EYS: variants seen among roughly 807,000 people sequenced by gnomAD.
The protein encoded by EYS is protein eyes shut homolog.
A neutral mutation model predicts 282.1 loss-of-function variants in EYS; 250 were observed. The observed-to-expected ratio is 0.89, with a 90% CI of 0.80 to 0.98. The LOEUF (loss-of-function observed/expected upper bound fraction) is 0.98. Ranked by LOEUF, EYS falls within the 50% of genes least tolerant of loss-of-function variation. EYS has a pLI of 0.00. For synonymous variants in EYS, 1,355 were observed against 1,282.9 expected (o/e 1.06, Z -1.20); for missense variants, 4,016 against 3,709.0 (o/e 1.08, Z -2.15).
chr6:64,071,637 CATTAGGTATATCTCCTA>C lies in EYS; in HGVS notation c.6572-5163_6572-5147del, dbSNP rs543086153. 5.4e-3 allele frequency among the ~76,000 whole-genome samples: 794 copies of C among 146,852 alleles called. 8 individuals carry two copies. Among genetic ancestry groups the C allele is most frequent in the African/African-American group, 0.018 (732 of 39,910 alleles). ...GTATATAAAAACACATGTCATTTAG[CATTAGGTATATCTCCTA>C]ATTAGGTATATCTCCTAATTAGGGA... On this transcript the variant is annotated intron_variant, in intron 32 of 42. Transcript: ENST00000503581.
chr6:64,325,996 A>G (rs980757305), intron 29 of EYS, among the ~76,000 whole-genome samples: 37 of 152,314 alleles, frequency 2.4e-4, no homozygotes, highest in African/African-American at 8.4e-4. Flanking sequence ...GGGAATAATT[A>G]AGGAAAACTT....
chr6:65,079,713 AC>A (rs372426582), intron 12 of EYS, among the ~76,000 whole-genome samples: 108 of 152,132 alleles, frequency 7.1e-4, no homozygotes, highest in African/African-American at 2.4e-3. Flanking sequence ...ATCTGCATTG[AC>A]TTTACATGTA....
chr6:65,377,510 G>T (rs1360762833), intron 8 of EYS, among the ~76,000 whole-genome samples: 1 of 151,826 alleles, frequency 6.6e-6, no homozygotes, highest in African/African-American at 2.4e-5. Context: ...CAGAAGACAA[G>T]AAATAAGTAA....
intron 35 of EYS, among the ~76,000 whole-genome samples, chr6:63,943,696 C>CT (rs1256439263): frequency 3.9e-5 from 6 of 152,126 alleles, no homozygotes; most frequent in Non-Finnish European, 8.8e-5. Context: ...TGGTAGAGTG[C>CT]TTTTCCCTGC....
intron 2 of EYS, among the ~76,000 whole-genome samples, chr6:65,560,772 A>T (rs1051611373): frequency 6.6e-6 from 1 of 152,134 alleles, no homozygotes; most frequent in Non-Finnish European, 1.5e-5. Context: ...TACATTAAAG[A>T]GTATAAAGTG....
chr6:64,495,311 T>C (rs1263989657), intron 26 of EYS, among the ~76,000 whole-genome samples: 3 of 151,794 alleles, frequency 2.0e-5, no homozygotes, highest in East Asian at 1.9e-4. Flanking sequence ...TCTTGTTATA[T>C]ACGCTTTTTA....
At position 65,198,099 on chromosome 6, in the gene EYS, T is replaced by C. The variant is rs138028294; in HGVS notation, c.2023+97764A>G. Among the ~76,000 whole-genome samples the C allele has an allele frequency of 9.3e-3, 1,409 of 152,250 alleles. 29 individuals are homozygous for C. The highest frequency in any genetic ancestry group is 0.032 in the African/African-American group (1,326 of 41,552). ...ATTTATATAGGCTTTTTTCTATTTG[T>C]AGTAATTATAACTTTTTAGTACGTT... On this transcript the variant is annotated intron_variant, in intron 12 of 42. Coordinates refer to ENST00000503581, the MANE Select transcript of EYS (RefSeq NM_001142800.2).
intron 12 of EYS, among the ~76,000 whole-genome samples, chr6:65,169,719 T>C (rs1286734873): frequency 6.6e-6 from 1 of 151,432 alleles, no homozygotes; most frequent in Non-Finnish European, 1.5e-5. Flanking sequence ...AACTACAGTA[T>C]CCAAACTTAT....
intron 19 of EYS, among the ~76,000 whole-genome samples, chr6:64,861,450 C>T (rs930412794): frequency 1.3e-5 from 2 of 152,084 alleles, no homozygotes; most frequent in African/African-American, 2.4e-5. Flanking sequence ...CAGAGATGCC[C>T]GGGTCCACAG....
intron 12 of EYS, among the ~76,000 whole-genome samples, chr6:65,209,423 T>G (rs953367522): frequency 6.6e-6 from 1 of 151,872 alleles, no homozygotes; most frequent in African/African-American, 2.4e-5. Context: ...AATACCATTT[T>G]TATCCCCCAC....
chr6:64,482,881 A>C (rs138475346), intron 26 of EYS, among the ~76,000 whole-genome samples: 229 of 151,708 alleles, frequency 1.5e-3, no homozygotes, highest in African/African-American at 5.1e-3. Flanking sequence ...TACTTCCTCA[A>C]ATAAAGTATT....
rs1561994376 is a variant in EYS at position 63,721,728 on chromosome 6, A to G, written c.8303T>C (p.Ile2768Thr). ...TACTTTTTGGAGAGTTTCTAGAATG[A>G]TAGTTCTGTCGCCAAGGTTGTAGCG... ...QLRYNLGDRT[I>T]ILETLQKVTI... Residue 2768 changes from isoleucine (I) to threonine (T), a missense_variant, in exon 43 of 43, where the codon ATC becomes ACC. Physicochemically the swap from Ile to Thr is moderately conservative, Grantham distance 89. Transcript: ENST00000503581. 6.4e-7 allele frequency: 1 copy of G among 1,551,094 alleles called. No individual in the cohort carries two copies. The highest frequency in any genetic ancestry group is 2.0e-5 in the Admixed American group (1 of 50,976).
At chr6:64,627,354 C>T (rs1376917006) in intron 22 of EYS, among the ~76,000 whole-genome samples, 1 of 152,004 alleles carries the variant, frequency 6.6e-6, no homozygotes, top group African/African-American at 2.4e-5. Context: ...GTGAGTTAAT[C>T]CAGAAATTGC....
At chr6:65,363,084 T>A (rs1367835727) in intron 8 of EYS, among the ~76,000 whole-genome samples, 1 of 152,032 alleles carries the variant, frequency 6.6e-6, no homozygotes, top group Non-Finnish European at 1.5e-5. Context: ...GTCTCTCACA[T>A]ACTACATAGA....
At chr6:65,086,839 T>G (rs1265258258) in intron 12 of EYS, among the ~76,000 whole-genome samples, 1 of 152,084 alleles carries the variant, frequency 6.6e-6, no homozygotes, top group Non-Finnish European at 1.5e-5. Flanking sequence ...TGGGTTTTTT[T>G]TTTTTAACGG....
intron 31 of EYS, among the ~76,000 whole-genome samples, chr6:64,188,626 A>C (rs1363744057): frequency 6.6e-6 from 1 of 152,136 alleles, no homozygotes; most frequent in Non-Finnish European, 1.5e-5. Flanking sequence ...ATGACTGACA[A>C]ATGGTGGATA....
intron 12 of EYS, among the ~76,000 whole-genome samples, chr6:65,088,347 T>G (rs2150175886): frequency 6.6e-6 from 1 of 152,244 alleles, no homozygotes; most frequent in South Asian, 2.1e-4. Flanking sequence ...TCCTAGAAAC[T>G]TGTTGAATGG....
intron 15 of EYS, among the ~76,000 whole-genome samples, chr6:64,938,299 G>C (rs1768975888): frequency 1.3e-5 from 2 of 151,388 alleles, no homozygotes; most frequent in African/African-American, 4.8e-5. Flanking sequence ...AGTCAACCAT[G>C]CTCTAAAAAT....
chr6:65,233,470 G>C (rs1766842162), intron 12 of EYS, among the ~76,000 whole-genome samples: 1 of 152,090 alleles, frequency 6.6e-6, no homozygotes, highest in African/African-American at 2.4e-5. Flanking sequence ...AATATCTAGA[G>C]GTTGTCCCAG....
Sources: allele counts gnomAD v4.1 joint callset (sites outside exome capture counted in the v4.1 genomes callset), GRCh38; gene constraint gnomAD v4.1.1; transcripts MANE v1.5; gene names NCBI Gene and HGNC (gene_info 2026-07-23, HGNC 2026-07-21).